SRP19: variants seen among roughly 807,000 people sequenced by gnomAD.
SRP19 encodes the protein signal recognition particle 19.
A neutral mutation model predicts 22.4 loss-of-function variants in SRP19; 11 were observed. The ratio of observed to expected loss-of-function variants is 0.49; its 90% CI spans 0.31 to 0.81. SRP19 has a LOEUF of 0.81. SRP19 is among the 40% of genes least tolerant of loss of function. The probability of loss-of-function intolerance (pLI) is 0.05; values close to 1 mark genes in which losing one functional copy is unlikely to be tolerated. For synonymous variants in SRP19, 61 were observed against 57.6 expected (o/e 1.06, Z -0.27); for missense variants, 168 against 175.9 (o/e 0.96, Z 0.25).
rs899033377 is a variant in SRP19 at position 112,867,507 on chromosome 5, T to C, written c.405T>C (p.Ser135=). 1 of 1,612,022 alleles carries C rather than the reference T, an allele frequency of 6.2e-7. No homozygotes were observed. The highest frequency in any genetic ancestry group is 1.3e-5 in the African/African-American group (1 of 74,762). ...ADQSLQQGEG[S]KKGKGKKKK is the part of the protein sequence containing the mutation. ...AAAGTCTTCAACAAGGAGAGGGAAG[T>C]AAAAAAGGGAAAGGAAAGAAAAAGA... The change falls in exon 5 of 5, where the codon AGT becomes AGC. Residue 135 remains serine, a synonymous_variant. Transcript: ENST00000505459.
intron 4 of SRP19, chr5:112,878,167 T>TAATC (rs1767955528): frequency 6.6e-6 from 1 of 152,656 alleles, no homozygotes; most frequent in Non-Finnish European, 1.5e-5. Context: ...ACTTGCATAT[T>TAATC]AATCACGTAT....
rs1580716328 is a variant in SRP19 at position 112,867,252 on chromosome 5, A to G, written c.302-152A>G. On this transcript the variant is annotated intron_variant, in intron 4 of 4. Transcript: ENST00000505459. Reference sequence around the variant, plus strand: ...ACATTTCCCCCGACTTGAGCTAGTCAGTGTCTTCAGTCATTTGATTTTTGA... The same window carrying G: ...ACATTTCCCCCGACTTGAGCTAGTCGGTGTCTTCAGTCATTTGATTTTTGA... 7.8e-6 allele frequency: 6 copies of G among 773,948 alleles called. No homozygotes were observed. The East Asian group carries it at 1.6e-4, about 21-fold the overall frequency. 47.9% of individuals were successfully genotyped at this position (773,948 alleles called of 1,614,324 possible).
chr5:112,892,358 A>G (rs1370501791), exon 5 of SRP19: 7 of 1,614,158 alleles, frequency 4.3e-6, no homozygotes, highest in Non-Finnish European at 5.9e-6. Flanking sequence ...ACCTACCAAC[A>G]GTTCCTAGAT....
chr5:112,866,394 G>A (rs1046861691), intron 4 of SRP19, among the ~76,000 whole-genome samples: 2 of 152,070 alleles, frequency 1.3e-5, no homozygotes, highest in African/African-American at 4.8e-5. Context: ...GGGATTATAG[G>A]CGTGAGCCAC....
At chr5:112,872,322 CTTTTTTTTTT>C (rs759571945), downstream of SRP19, among the ~76,000 whole-genome samples, 2 of 92,692 alleles carry the variant, frequency 2.2e-5, no homozygotes, top group African/African-American at 4.1e-5. Flanking sequence ...CCAAATGATT[CTTTTTTTTTT>C]TTTTTTTTTT....
At chr5:112,885,714 A>G in intron 4 of SRP19, 1 of 304,042 alleles carries the variant, frequency 3.3e-6, no homozygotes. Flanking sequence ...CAGTGGGGAC[A>G]TTATCAGCCA....
chr5:112,875,674 A>G (rs565585107), intron 4 of SRP19, among the ~76,000 whole-genome samples: 1 of 152,180 alleles, frequency 6.6e-6, no homozygotes, highest in African/African-American at 2.4e-5. Context: ...GGGTATTTTT[A>G]TCAAAATTCT....
intron 4 of SRP19, chr5:112,877,979 C>CTG (rs1491389635): frequency 9.5e-5 from 11 of 115,478 alleles, no homozygotes; most frequent in African/African-American, 4.0e-4. Flanking sequence ...TTACAGGTTA[C>CTG]TCTGTGTGTG....
chr5:112,894,124 GTT>G (rs199564515), downstream of SRP19: 5 of 141,814 alleles, frequency 3.5e-5, no homozygotes, highest in South Asian at 2.3e-4. Flanking sequence ...GGTTTTTTTT[GTT>G]TTTTTTTTTT....
chr5:112,867,738 A>G lies in SRP19; in HGVS notation c.*201A>G. ...TTGCATCTCGCGTATATGCCGTATA[A>G]AAGAATTTTTTTGTCTTTCAATGCA... On this transcript the variant is annotated 3_prime_UTR_variant, in exon 5 of 5. Transcript: ENST00000505459. The G allele has an allele frequency of 7.8e-7, 1 of 1,278,712 alleles. No homozygotes were observed. The highest frequency in any genetic ancestry group is 9.9e-7 in the Non-Finnish European group (1 of 1,011,992). 79.2% of individuals were successfully genotyped at this position (1,278,712 alleles called of 1,614,324 possible). A position where few individuals can be genotyped will look rare whatever the true frequency, so the allele number is the denominator to read the frequency against.
rs375815815 is a variant in SRP19 at position 112,862,603 on chromosome 5, C to T, written c.117+20C>T. On this transcript the variant is annotated intron_variant, in intron 2 of 4. Coordinates refer to ENST00000505459, the MANE Select transcript of SRP19 (RefSeq NM_003135.3). ...AGTAAGGTAAGCAAGATGGCTGGCA[C>T]CTTGATCCTCGAGGGAATGGGGGGT... 34 of 1,609,486 alleles carry T rather than the reference C, an allele frequency of 2.1e-5. No homozygotes were observed. The African/African-American group carries it at 3.3e-4, about 16-fold the overall frequency.
chr5:112,885,140 G>C (rs1038814382), intron 4 of SRP19: 1 of 166,822 alleles, frequency 6.0e-6, no homozygotes. Flanking sequence ...CTACAGCCTT[G>C]GCCAGCTAGG....
At chr5:112,863,838 A>G (rs1396304362) in intron 2 of SRP19, among the ~76,000 whole-genome samples, 2 of 151,828 alleles carry the variant, frequency 1.3e-5, no homozygotes, top group African/African-American at 4.8e-5. Context: ...CTACTTTGGT[A>G]TTTTTTTGTA....
intron 4 of SRP19, among the ~76,000 whole-genome samples, chr5:112,888,997 G>A (rs1161316693): frequency 6.6e-6 from 1 of 150,870 alleles, no homozygotes; most frequent in Non-Finnish European, 1.5e-5. Context: ...GTTTTATAAG[G>A]AGTTTCCCCT....
At chr5:112,881,640 C>T (rs1768078538) in intron 4 of SRP19, among the ~76,000 whole-genome samples, 1 of 152,204 alleles carries the variant, frequency 6.6e-6, no homozygotes, top group Non-Finnish European at 1.5e-5. Flanking sequence ...CTTTCAGAAT[C>T]TCATGTCATC....
exon 5 of SRP19, chr5:112,891,670 A>G: frequency 6.2e-7 from 1 of 1,613,328 alleles, no homozygotes; most frequent in Non-Finnish European, 8.5e-7. Flanking sequence ...GACGTTTCCC[A>G]AGAAGATGAC....
Position 112,868,339 on chromosome 5 carries a change from C to T in SRP19, c.*802C>T. 1.2e-5 allele frequency: 12 copies of T among 987,426 alleles called. No individual in the cohort carries two copies. Among genetic ancestry groups the T allele is most frequent in the Non-Finnish European group, 1.4e-5 (12 of 831,238 alleles). The allele number at this position is 987,426 out of a possible 1,614,324, so 61.2% of individuals were successfully genotyped here. A position where few individuals can be genotyped will look rare whatever the true frequency, so the allele number is the denominator to read the frequency against. ...CTGTTCTTCCTGAGGCCTGGTTTAG[C>T]TCTTCCTTGAATTCTGCAAGCTATC... is the stretch of plus-strand genomic sequence containing the variant. On this transcript the variant is annotated 3_prime_UTR_variant, in exon 5 of 5. Transcript: ENST00000505459.
intron 4 of SRP19, 164 bp from the exon 5 acceptor site, chr5:112,867,240 C>G: frequency 1.4e-6 from 1 of 700,456 alleles, no homozygotes; most frequent in Non-Finnish European, 2.3e-6. Flanking sequence ...TTTCCCCCGA[C>G]TTGAGCTAGT....
In SRP19 at chr5:112,890,525, G is replaced by A. The variant is rs920689422; in HGVS notation, c.302-1078G>A. ...CTGAAGACCACAGGCATGCAGGCAC[G>A]CACCATCACGTCTGGCTAATTTTTG... On this transcript the variant is annotated intron_variant, in intron 4 of 4. Transcript: ENST00000391338. 1.3e-5 allele frequency among the ~76,000 whole-genome samples: 2 copies of A among 150,064 alleles called. 1 individual carries two copies. The highest frequency in any genetic ancestry group is 5.0e-5 in the African/African-American group (2 of 40,108).
Sources: allele counts gnomAD v4.1 joint callset (sites outside exome capture counted in the v4.1 genomes callset), GRCh38; gene constraint gnomAD v4.1.1; transcripts MANE v1.5; gene names NCBI Gene and HGNC (gene_info 2026-07-23, HGNC 2026-07-21).